Variants in MYO1D observed in about 807,000 individuals in gnomAD.
The protein encoded by MYO1D is unconventional myosin-Id.
MYO1D carries 83 observed loss-of-function variants against 122.0 expected under a neutral mutation model. That is an observed-to-expected ratio of 0.68 (90% CI 0.57 to 0.82). The LOEUF is 0.82. Ranked by LOEUF, MYO1D falls within the 40% of genes least tolerant of loss-of-function variation. The probability of loss-of-function intolerance (pLI) is 0.00; values close to 1 mark genes in which losing one functional copy is unlikely to be tolerated. For synonymous variants in MYO1D, 464 were observed against 446.9 expected (o/e 1.04, Z -0.48); for missense variants, 1,157 against 1,269.5 (o/e 0.91, Z 1.35).
At chr17:32,696,408 T>A (rs946633777) in intron 16 of MYO1D, among the ~76,000 whole-genome samples, 1 of 152,126 alleles carries the variant, frequency 6.6e-6, no homozygotes, top group African/African-American at 2.4e-5. Context: ...ATGGACAGTA[T>A]AATGTGGAAA....
chr17:32,773,098 T>C (rs1405345917), intron 4 of MYO1D, among the ~76,000 whole-genome samples: 1 of 152,256 alleles, frequency 6.6e-6, no homozygotes, highest in Non-Finnish European at 1.5e-5. Flanking sequence ...CTCTTTGCTC[T>C]GTGAGAAAGA....
At chr17:32,641,165 T>G (rs888962847) in intron 19 of MYO1D, among the ~76,000 whole-genome samples, 2 of 145,518 alleles carry the variant, frequency 1.4e-5, no homozygotes, top group Non-Finnish European at 3.0e-5. Flanking sequence ...CATTCCCACC[T>G]ATGAGTGAGA....
chr17:32,785,704 A>G (rs1398177360), intron 1 of MYO1D, among the ~76,000 whole-genome samples: 2 of 152,116 alleles, frequency 1.3e-5, no homozygotes, highest in Non-Finnish European at 2.9e-5. Flanking sequence ...ACACTCTTCT[A>G]TTGGCTTCTT....
rs76135272 is a variant in MYO1D, at chr17:32,810,413, T to C, written c.96-29629A>G. Reference sequence around the variant, plus strand: ...TAATTTAGGTCTAAATAGCAAATGATTGAAAATTCCTGATCTCTGTTTCTC... The same window carrying C: ...TAATTTAGGTCTAAATAGCAAATGACTGAAAATTCCTGATCTCTGTTTCTC... On this transcript the variant is annotated intron_variant, in intron 1 of 21. Coordinates refer to ENST00000318217, the MANE Select transcript of MYO1D (RefSeq NM_015194.3). Among the ~76,000 whole-genome samples the C allele has an allele frequency of 2.8e-4, 43 of 152,298 alleles. No individual in the cohort carries two copies. In the East Asian group the frequency reaches 2.9e-3, roughly 10 times the overall value.
chr17:32,845,077 A>T (rs1014895734), intron 1 of MYO1D, among the ~76,000 whole-genome samples: 1 of 152,070 alleles, frequency 6.6e-6, no homozygotes, highest in African/African-American at 2.4e-5. Flanking sequence ...CTACACCAAA[A>T]CATTGTCGAT....
intron 21 of MYO1D, among the ~76,000 whole-genome samples, chr17:32,515,112 T>G (rs1375450867): frequency 6.6e-6 from 1 of 152,172 alleles, no homozygotes; most frequent in Non-Finnish European, 1.5e-5. Context: ...GAGTAAGCGC[T>G]TGAATGGAGG....
intron 21 of MYO1D, among the ~76,000 whole-genome samples, chr17:32,536,425 A>G (rs1910667438): frequency 6.6e-6 from 1 of 152,232 alleles, no homozygotes; most frequent in African/African-American, 2.4e-5. Context: ...AGGGAAAACT[A>G]AAAGAAGATT....
intron 1 of MYO1D, among the ~76,000 whole-genome samples, chr17:32,848,043 T>A (rs776140542): frequency 5.5e-4 from 83 of 152,234 alleles, no homozygotes; most frequent in Non-Finnish European, 9.6e-4. Context: ...TCAGAGAAGA[T>A]GCTGAAATGA....
Position 32,582,422 on chromosome 17 carries a change from G to A in MYO1D, c.2864+22665C>T, listed in dbSNP as rs750406341. The stretch of plus-strand genomic sequence containing the variant: ...TCTTAATTTCCCCTTTGACCTATAA[G>A]TTACTTTGGAGTGTGTTATTTGGCT... On this transcript the variant is annotated intron_variant, in intron 21 of 21. Coordinates refer to ENST00000318217, the MANE Select transcript of MYO1D (RefSeq NM_015194.3). Among the ~76,000 whole-genome samples, 31 of 152,118 alleles carry A rather than the reference G, an allele frequency of 2.0e-4. 1 individual carries two copies. Among genetic ancestry groups the A allele is most frequent in the Non-Finnish European group, 4.4e-4 (30 of 68,022 alleles).
chr17:32,573,476 T>C (rs188551873), intron 21 of MYO1D, among the ~76,000 whole-genome samples: 1 of 152,300 alleles, frequency 6.6e-6, no homozygotes, highest in Admixed American at 6.5e-5. Context: ...CTCAGGAAAC[T>C]TCACAGGAAA....
Position 32,826,224 on chromosome 17 carries a change from G to A in MYO1D, c.96-45440C>T, listed in dbSNP as rs1263108627. Among the ~76,000 whole-genome samples the A allele has an allele frequency of 7.2e-5, 11 of 151,916 alleles. No homozygotes were observed. In the East Asian group the frequency reaches 1.9e-3, roughly 27 times the overall value. ...ATCTCATTTACTCTCAAAGCATTCT[G>A]TACTTCCACCTTCACATAACTTAAC... is the stretch of plus-strand genomic sequence containing the variant. On this transcript the variant is annotated intron_variant, in intron 1 of 21. Coordinates refer to ENST00000318217, the MANE Select transcript of MYO1D (RefSeq NM_015194.3).
intron 21 of MYO1D, among the ~76,000 whole-genome samples, chr17:32,542,817 C>T (rs551523567): frequency 1.3e-5 from 2 of 152,216 alleles, no homozygotes; most frequent in African/African-American, 4.8e-5. Context: ...TAGTGAGTTC[C>T]CTAACCCCAG....
intron 1 of MYO1D, among the ~76,000 whole-genome samples, chr17:32,824,981 A>G (rs2090708208): frequency 6.6e-6 from 1 of 152,104 alleles, no homozygotes; most frequent in African/African-American, 2.4e-5. Context: ...GTTTTACTTC[A>G]TTTACTTCTG....
At chr17:32,615,380 A>G (rs1198114637) in intron 20 of MYO1D, among the ~76,000 whole-genome samples, 2 of 152,220 alleles carry the variant, frequency 1.3e-5, no homozygotes, top group Non-Finnish European at 2.9e-5. Context: ...AAGGCAGAAA[A>G]TAGAAAATGT....
At position 32,654,693 on chromosome 17, in the gene MYO1D, TTTC is replaced by T. The variant is rs745918876; in HGVS notation, c.2346-75_2346-73del. ...CATGCATTCTCTCTCTCTTTTTTTTTTTCTTTTTTGAGTCTCCCTCCATCTCCC... is the reference window on the plus strand; with the variant it reads ...CATGCATTCTCTCTCTCTTTTTTTTTTTTTTTGAGTCTCCCTCCATCTCCC... On this transcript the variant is annotated intron_variant, in intron 17 of 21. Transcript: ENST00000318217. 639 of 1,413,272 alleles carry T rather than the reference TTTC, an allele frequency of 4.5e-4. 2 individuals are homozygous for T. The highest frequency in any genetic ancestry group is 2.5e-3 in the Middle Eastern group (10 of 4,080). The allele number at this position is 1,413,272 out of a possible 1,614,324, so 87.5% of individuals were successfully genotyped here.
At chr17:32,794,563 C>T (rs2090393392) in intron 1 of MYO1D, among the ~76,000 whole-genome samples, 1 of 151,744 alleles carries the variant, frequency 6.6e-6, no homozygotes. Flanking sequence ...TGCTGGGAGC[C>T]ACAAGCAGAA....
chr17:32,859,895 C>G (rs1188332215), intron 1 of MYO1D, among the ~76,000 whole-genome samples: 1 of 152,216 alleles, frequency 6.6e-6, no homozygotes, highest in Admixed American at 6.5e-5. Flanking sequence ...GGTATCCACT[C>G]CCTTCCATAC....
intron 20 of MYO1D, among the ~76,000 whole-genome samples, chr17:32,637,800 G>A (rs113141124): frequency 1.3e-5 from 2 of 152,070 alleles, no homozygotes; most frequent in African/African-American, 4.8e-5. Context: ...TAGTGAAGAC[G>A]GATCTCCACC....
At chr17:32,829,699 C>G (rs1038395575) in intron 1 of MYO1D, among the ~76,000 whole-genome samples, 1 of 152,150 alleles carries the variant, frequency 6.6e-6, no homozygotes, top group Non-Finnish European at 1.5e-5. Flanking sequence ...AAGTATCTGC[C>G]CACCTCGGCC....
Sources: allele counts gnomAD v4.1 joint callset (sites outside exome capture counted in the v4.1 genomes callset), GRCh38; gene constraint gnomAD v4.1.1; transcripts MANE v1.5; gene names NCBI Gene and HGNC (gene_info 2026-07-23, HGNC 2026-07-21).